The following NCOR1 variants were observed in gnomAD, a reference collection of about 807,000 sequenced individuals.
The protein encoded by NCOR1 is nuclear receptor corepressor 1, also known as protein phosphatase 1, regulatory subunit 109.
Under a neutral mutation model 288.1 loss-of-function variants are expected in NCOR1, and 63 were observed. That is an observed-to-expected ratio of 0.22 (90% CI 0.18 to 0.27). NCOR1 has a LOEUF of 0.27. Among genes scored for constraint, NCOR1 ranks in the 10% least tolerant of loss-of-function variants. The pLI, the probability that NCOR1 is intolerant of heterozygous loss-of-function variation, is 1.00. For synonymous variants in NCOR1, 1,007 were observed against 1,065.9 expected (o/e 0.94, Z 1.08); for missense variants, 2,397 against 3,019.2 (o/e 0.79, Z 4.83).
At chr17:16,199,906 C>T (rs925644020) in intron 1 of NCOR1, among the ~76,000 whole-genome samples, 14 of 152,120 alleles carry the variant, frequency 9.2e-5, no homozygotes, top group Admixed American at 6.6e-5. Context: ...CTGAATTATA[C>T]AGATAAACCC....
chr17:16,163,854 G>A (rs1221739286), intron 5 of NCOR1, among the ~76,000 whole-genome samples: 1 of 152,178 alleles, frequency 6.6e-6, no homozygotes, highest in African/African-American at 2.4e-5. Context: ...GATACGACAT[G>A]GATGAATCAG....
intron 40 of NCOR1, among the ~76,000 whole-genome samples, chr17:16,054,312 A>G (rs1297107716): frequency 6.6e-6 from 1 of 152,204 alleles, no homozygotes; most frequent in East Asian, 1.9e-4. Flanking sequence ...GCACCTGACA[A>G]AGGTCTAATA....
chr17:16,029,325 A>T lies in NCOR1; in HGVS notation c.*2971T>A, dbSNP rs1971750727. ...TAAAATAAGGTACTGAAGCAAAAGG[A>T]GGACTGATCTCCTTTACTGATTGGT... is the stretch of plus-strand genomic sequence containing the variant. On this transcript the variant is annotated 3_prime_UTR_variant, in exon 46 of 46. Transcript: ENST00000268712. 3 of 439,630 alleles carry T rather than the reference A, an allele frequency of 6.8e-6. No individual in the cohort carries two copies. The highest frequency in any genetic ancestry group is 5.0e-5 in the South Asian group (3 of 60,526). The allele number at this position is 439,630 out of a possible 1,614,324, so 27.2% of individuals were successfully genotyped here. A position where few individuals can be genotyped will look rare whatever the true frequency, so the allele number is the denominator to read the frequency against.
At chr17:16,214,537 C>T (rs900316302) in intron 1 of NCOR1, among the ~76,000 whole-genome samples, 4 of 152,224 alleles carry the variant, frequency 2.6e-5, no homozygotes, top group Admixed American at 2.0e-4. Flanking sequence ...ACCTATACTA[C>T]TACTCTCCAA....
intron 31 of NCOR1, chr17:16,068,333 C>G (rs942162216): frequency 1.7e-5 from 9 of 539,156 alleles, no homozygotes; most frequent in African/African-American, 1.5e-4. Context: ...TTGGAGAGTA[C>G]TGTCACCTTT....
chr17:16,083,811 T>G (rs1230048530), intron 23 of NCOR1, among the ~76,000 whole-genome samples: 1 of 152,120 alleles, frequency 6.6e-6, no homozygotes, highest in Non-Finnish European at 1.5e-5. Context: ...CCCCTTACTT[T>G]GCTACATTTC....
intron 19 of NCOR1, among the ~76,000 whole-genome samples, chr17:16,106,192 C>T (rs140149946): frequency 5.3e-5 from 8 of 152,210 alleles, no homozygotes; most frequent in Admixed American, 1.3e-4. Context: ...ACAAAAAGCC[C>T]AACTTAACCT....
At chr17:16,194,755 CTCATG>C (rs2089389795) in intron 1 of NCOR1, 116 bp from the exon 2 acceptor site, 1 of 404,574 alleles carries the variant, frequency 2.5e-6, no homozygotes, top group African/African-American at 2.0e-5. Flanking sequence ...AAAGCTTCCT[CTCATG>C]TATTTACTTA....
At position 16,106,876 on chromosome 17, in the gene NCOR1, T is replaced by C. The variant is rs1568055212; in HGVS notation, c.2182+1910A>G. Reference sequence around the variant, plus strand: ...AGACATATATATATATATATATATATATATATATTTTTTTTTTTTTTTTTT... The same window carrying C: ...AGACATATATATATATATATATATACATATATATTTTTTTTTTTTTTTTTT... On this transcript the variant is annotated intron_variant, in intron 19 of 45. Transcript: ENST00000268712. Among the ~76,000 whole-genome samples, 63 of 59,844 alleles carry C rather than the reference T, an allele frequency of 1.1e-3. 1 individual carries two copies. The highest frequency in any genetic ancestry group is 5.0e-3 in the African/African-American group (60 of 11,934). The allele number at this position is 59,844 out of a possible 152,430, so 39.3% of individuals were successfully genotyped here. A position where few individuals can be genotyped will look rare whatever the true frequency, so the allele number is the denominator to read the frequency against.
intron 6 of NCOR1, 55 bp from the exon 7 acceptor site, chr17:16,153,450 C>A: frequency 8.7e-7 from 1 of 1,155,992 alleles, no homozygotes; most frequent in Non-Finnish European, 1.2e-6. Context: ...TATCTAAGTG[C>A]AAAATAATTA....
intron 11 of NCOR1, among the ~76,000 whole-genome samples, chr17:16,140,076 ATCAG>A (rs1398217133): frequency 1.3e-5 from 2 of 152,356 alleles, no homozygotes; most frequent in South Asian, 2.1e-4. Flanking sequence ...TCCTCATGGA[ATCAG>A]TCAAAGAGCA....
In NCOR1 at chr17:16,063,050, T is replaced by A. The variant is rs114864845; in HGVS notation, c.5222-780A>T. 4.4e-3 allele frequency among the ~76,000 whole-genome samples: 663 copies of A among 152,320 alleles called. 8 individuals carry two copies. The highest frequency in any genetic ancestry group is 0.015 in the African/African-American group (620 of 41,572). On this transcript the variant is annotated intron_variant, in intron 35 of 45. Coordinates refer to ENST00000268712, the MANE Select transcript of NCOR1 (RefSeq NM_006311.4). ...CCTTCTAACGTGCTCACTGGCTTCATAACAGCTAGCTGTTTTATGTTTTAG... is the reference window on the plus strand; with the variant it reads ...CCTTCTAACGTGCTCACTGGCTTCAAAACAGCTAGCTGTTTTATGTTTTAG...
At chr17:16,041,780 A>G (rs1167710666) in intron 42 of NCOR1, among the ~76,000 whole-genome samples, 1 of 151,818 alleles carries the variant, frequency 6.6e-6, no homozygotes, top group Non-Finnish European at 1.5e-5. Flanking sequence ...TCTGCCGCCC[A>G]GGCTGGAGTG....
In NCOR1 at chr17:16,058,610, A is replaced by G. The variant is rs1775729068; in HGVS notation, c.5882-11T>C. ...ACCTGTGAGAAGATACTTTAAGAAAAGAAAATCTTATTTCAAAACTAATCC... is the reference window on the plus strand; with the variant it reads ...ACCTGTGAGAAGATACTTTAAGAAAGGAAAATCTTATTTCAAAACTAATCC... On this transcript the variant is annotated splice_polypyrimidine_tract_variant and intron_variant, in intron 37 of 45. Transcript: ENST00000268712. 3 of 1,585,364 alleles carry G rather than the reference A, an allele frequency of 1.9e-6. No individual in the cohort carries two copies. The highest frequency in any genetic ancestry group is 2.7e-5 in the African/African-American group (2 of 73,682).
At chr17:16,158,699 T>C (rs1465748628) in intron 6 of NCOR1, 61 bp downstream of exon 6, 40 of 987,844 alleles carry the variant, frequency 4.0e-5, no homozygotes, top group Non-Finnish European at 5.4e-5. Flanking sequence ...CATTCAAAAC[T>C]GAAAAGGGCA....
At chr17:16,103,863 A>G (rs1352998314) in intron 19 of NCOR1, among the ~76,000 whole-genome samples, 1 of 152,206 alleles carries the variant, frequency 6.6e-6, no homozygotes, top group East Asian at 1.9e-4. Flanking sequence ...TAAAAATACA[A>G]AATTAGCCAC....
intron 21 of NCOR1, among the ~76,000 whole-genome samples, chr17:16,092,647 T>TTTTATATATATATATATATATATATA (rs1340274279): frequency 3.1e-5 from 1 of 32,134 alleles, no homozygotes; most frequent in Non-Finnish European, 5.3e-5. Flanking sequence ...TCAGATCCAT[T>TTTTATATATATATATATATATATATA]TATATATATA....
At chr17:16,087,257 G>A (rs1239087789) in intron 22 of NCOR1, 3 of 1,304,266 alleles carry the variant, frequency 2.3e-6, no homozygotes, top group Admixed American at 2.3e-5. Context: ...TACACGGTGA[G>A]GCTGACCTTG....
chr17:16,188,142 TTC>T (rs905885123), intron 2 of NCOR1, among the ~76,000 whole-genome samples: 4 of 152,108 alleles, frequency 2.6e-5, no homozygotes, highest in Admixed American at 2.6e-4. Flanking sequence ...GTTATATGAA[TTC>T]TGTGTCAACA....
Sources: gnomAD v4.1 joint callset for allele counts (sites outside exome capture counted in the v4.1 genomes callset) on GRCh38, gnomAD v4.1.1 for gene constraint, MANE v1.5 for transcripts, NCBI Gene and HGNC (gene_info 2026-07-23, HGNC 2026-07-21) for gene names.